The following OAS2 variants were observed in gnomAD, a reference collection of about 807,000 sequenced individuals.
OAS2 encodes 2'-5'-oligoadenylate synthetase 2.
A neutral mutation model predicts 71.3 loss-of-function variants in OAS2; 67 were observed. That is an observed-to-expected ratio of 0.94 (90% CI 0.77 to 1.15). The LOEUF is 1.15. Among genes scored for constraint, OAS2 ranks in the 50% most tolerant of loss-of-function variants. The pLI is 0.00. For missense variants in OAS2, 789 were observed against 822.5 expected, an observed-to-expected ratio of 0.96 and a Z score of 0.50; for synonymous variants, 327 against 321.8, an observed-to-expected ratio of 1.02 and a Z score of -0.17.
At chr12:112,982,618 A>G (rs2044094298) in intron 1 of OAS2, among the ~76,000 whole-genome samples, 1 of 152,156 alleles carries the variant, frequency 6.6e-6, no homozygotes, top group Non-Finnish European at 1.5e-5. Context: ...CATCAGGGAT[A>G]TTGGCCTGTA....
intron 2 of OAS2, among the ~76,000 whole-genome samples, chr12:112,994,534 G>A (rs1261946233): frequency 6.6e-6 from 1 of 152,136 alleles, no homozygotes. Flanking sequence ...GAGTTCGCAT[G>A]CCTTAGCCTC....
chr12:113,005,189 A>G lies in OAS2; in HGVS notation c.1435A>G (p.Ser479Gly), dbSNP rs1225256466. 1.2e-6 allele frequency: 2 copies of G among 1,613,968 alleles called. No homozygotes were observed. Among genetic ancestry groups the G allele is most frequent in the African/African-American group, 1.3e-5 (1 of 74,998 alleles). The change falls in exon 7 of 10, where the codon AGC (serine) becomes GGC (glycine). Residue 479 changes from serine to glycine, a missense_variant. Ser to Gly is a moderately conservative substitution (Grantham distance 56). Coordinates refer to ENST00000392583, the MANE Select transcript of OAS2 (RefSeq NM_002535.3). ...ATCCAAAGTCCTCAACGAAAGTGTC[A>G]GCTTTGATGTGCTTCCTGCCTTTAA... ...LKSKVLNESV[S>G]FDVLPAFNAL...
At chr12:112,991,994 A>G (rs1386708777) in intron 2 of OAS2, among the ~76,000 whole-genome samples, 1 of 151,954 alleles carries the variant, frequency 6.6e-6, no homozygotes, top group Non-Finnish European at 1.5e-5. Flanking sequence ...AGATGGATGG[A>G]TGGATAGATA....
chr12:112,990,984 C>T (rs1028724390), intron 2 of OAS2, among the ~76,000 whole-genome samples: 7 of 152,118 alleles, frequency 4.6e-5, no homozygotes, highest in Admixed American at 3.9e-4. Flanking sequence ...TTTTGGTTTA[C>T]AAGGATAAGG....
At chr12:113,001,176 T>C (rs1251033462) in intron 5 of OAS2, among the ~76,000 whole-genome samples, 1 of 151,746 alleles carries the variant, frequency 6.6e-6, no homozygotes, top group Non-Finnish European at 1.5e-5. Context: ...ATACCCCGTC[T>C]CTACAAAAAT....
intron 2 of OAS2, chr12:112,988,319 G>C (rs933580192): frequency 2.4e-5 from 17 of 711,718 alleles, no homozygotes; most frequent in Non-Finnish European, 2.9e-5. Context: ...GCCAGAGTAG[G>C]TTCAGAGAGT....
intron 5 of OAS2, among the ~76,000 whole-genome samples, chr12:113,000,805 G>C (rs763275559): frequency 3.9e-5 from 6 of 152,132 alleles, no homozygotes; most frequent in Non-Finnish European, 8.8e-5. Context: ...CTGTGGAAGG[G>C]GCAGTGTTGG....
intron 4 of OAS2, 36 bp from the exon 5 acceptor site, chr12:112,998,230 C>A (rs1224364511): frequency 6.3e-7 from 1 of 1,599,318 alleles, no homozygotes; most frequent in South Asian, 1.1e-5. Flanking sequence ...CCACAAGCAG[C>A]TCAACTGACT....
At chr12:112,991,164 A>G (rs75663846) in intron 2 of OAS2, among the ~76,000 whole-genome samples, 1,706 of 152,224 alleles carry the variant, frequency 0.011, 35 homozygotes, top group East Asian at 0.068. Flanking sequence ...TTTGGCCTAT[A>G]CTGTTCCTTT....
chr12:113,007,398 T>C (rs1186894320), intron 8 of OAS2, among the ~76,000 whole-genome samples: 2 of 152,120 alleles, frequency 1.3e-5, no homozygotes, highest in Non-Finnish European at 2.9e-5. Flanking sequence ...GCTGCCTGCA[T>C]TGTGGGGAAG....
rs1035667617 is a variant in OAS2, at chr12:113,009,783, G to A, written c.*528G>A. The A allele has an allele frequency of 1.5e-5, 15 of 986,808 alleles. No homozygotes were observed. Among genetic ancestry groups the A allele is most frequent in the African/African-American group, 1.7e-5 (1 of 57,220 alleles). 61.1% of individuals were successfully genotyped at this position (986,808 alleles called of 1,614,324 possible). Reference sequence around the variant, plus strand: ...GTCATGTGGCTACCTGTAACTTGAAGGTGGCTACAAAGATGACTGTGGACG... The same window carrying A: ...GTCATGTGGCTACCTGTAACTTGAAAGTGGCTACAAAGATGACTGTGGACG... On this transcript the variant is annotated 3_prime_UTR_variant, in exon 10 of 10. Coordinates refer to ENST00000392583, the MANE Select transcript of OAS2 (RefSeq NM_002535.3).
At chr12:113,006,047 T>A (rs2044332351) in intron 7 of OAS2, among the ~76,000 whole-genome samples, 1 of 151,836 alleles carries the variant, frequency 6.6e-6, no homozygotes. Context: ...ATGAAAATGT[T>A]CTATGTCTGG....
chr12:112,999,105 G>C (rs2044261688), intron 5 of OAS2, among the ~76,000 whole-genome samples: 1 of 152,222 alleles, frequency 6.6e-6, no homozygotes, highest in Non-Finnish European at 1.5e-5. Flanking sequence ...CAGAGAAGGG[G>C]GTGGCAGTCA....
intron 2 of OAS2, chr12:112,988,265 G>A (rs2044158861): frequency 1.0e-6 from 1 of 966,902 alleles, no homozygotes; most frequent in Non-Finnish European, 1.2e-6. Context: ...GAATTTAATG[G>A]AGTTTAACTG....
intron 1 of OAS2, among the ~76,000 whole-genome samples, chr12:112,986,814 G>C (rs570779240): frequency 6.6e-6 from 1 of 152,322 alleles, no homozygotes; most frequent in South Asian, 2.1e-4. Flanking sequence ...AGTTCAATCC[G>C]TTTCTATTGC....
In OAS2 at chr12:113,010,620, C is replaced by T. The variant is rs1252373700; in HGVS notation, c.*1365C>T. ...CTTGAAATCAATCAAGACTGCAAACCCTTTCATAAAGTCTTGCCTTGCTGA... is the reference window on the plus strand; with the variant it reads ...CTTGAAATCAATCAAGACTGCAAACTCTTTCATAAAGTCTTGCCTTGCTGA... On this transcript the variant is annotated 3_prime_UTR_variant, in exon 10 of 10. Transcript: ENST00000392583. 3 of 1,347,642 alleles carry T rather than the reference C, an allele frequency of 2.2e-6. No homozygotes were observed. The highest frequency in any genetic ancestry group is 2.6e-5 in the East Asian group (1 of 38,734). The allele number at this position is 1,347,642 out of a possible 1,614,324, so 83.5% of individuals were successfully genotyped here.
At chr12:112,997,850 A>C in intron 4 of OAS2, 95 bp downstream of exon 4, 1 of 1,043,278 alleles carries the variant, frequency 9.6e-7, no homozygotes, top group South Asian at 1.7e-5. Context: ...CTATCAAGCC[A>C]GTGCTGGACC....
At chr12:112,979,688 C>G (rs561088214) in intron 1 of OAS2, among the ~76,000 whole-genome samples, 1 of 152,102 alleles carries the variant, frequency 6.6e-6, no homozygotes, top group Non-Finnish European at 1.5e-5. Context: ...TAGGTAGCCA[C>G]AAACAATGTA....
intron 5 of OAS2, among the ~76,000 whole-genome samples, chr12:113,001,462 A>G (rs113944835): frequency 6.7e-6 from 1 of 148,708 alleles, no homozygotes; most frequent in Non-Finnish European, 1.5e-5. Context: ...ATATACACAT[A>G]TATACATATA....
Sources: allele counts gnomAD v4.1 joint callset (sites outside exome capture counted in the v4.1 genomes callset), GRCh38; gene constraint gnomAD v4.1.1; transcripts MANE v1.5; gene names NCBI Gene and HGNC (gene_info 2026-07-23, HGNC 2026-07-21).